Variants in STMND1 observed in about 807,000 individuals in gnomAD.
STMND1 encodes stathmin domain-containing protein 1.
Under a neutral mutation model 23.0 loss-of-function variants are expected in STMND1, and 17 were observed. The observed-to-expected ratio is 0.74, with a 90% CI of 0.51 to 1.11. The LOEUF (loss-of-function observed/expected upper bound fraction) is 1.11. Ranked by LOEUF, STMND1 falls within the 50% of genes least tolerant of loss-of-function variation. The pLI is 0.00. For synonymous variants in STMND1, 114 were observed against 119.9 expected, an observed-to-expected ratio of 0.95 and a Z score of 0.32; for missense variants, 305 against 329.1, an observed-to-expected ratio of 0.93 and a Z score of 0.57.
intron 3 of STMND1, among the ~76,000 whole-genome samples, chr6:17,123,684 G>C (rs1330586523): frequency 6.6e-6 from 1 of 152,174 alleles, no homozygotes; most frequent in Non-Finnish European, 1.5e-5. Context: ...ACCAAAGCTG[G>C]GAAGGGTTAA....
At chr6:17,116,849 AC>A in intron 2 of STMND1, among the ~76,000 whole-genome samples, 1 of 152,292 alleles carries the variant, frequency 6.6e-6, no homozygotes, top group Admixed American at 6.5e-5. Flanking sequence ...GGTGCAAAAA[AC>A]AAAGAACACC....
intron 3 of STMND1, chr6:17,128,040 G>T (rs1221119698): frequency 6.6e-6 from 1 of 152,116 alleles, no homozygotes; most frequent in African/African-American, 2.4e-5. Context: ...GACTGGGATT[G>T]GGGGCCATGT....
chr6:17,102,958 T>A (rs1760963895), intron 1 of STMND1, among the ~76,000 whole-genome samples: 1 of 152,182 alleles, frequency 6.6e-6, no homozygotes, highest in South Asian at 2.1e-4. Flanking sequence ...CTCTTTTCCC[T>A]AATTCCTCAA....
chr6:17,124,898 C>G (rs889003920), intron 3 of STMND1, among the ~76,000 whole-genome samples: 14 of 151,204 alleles, frequency 9.3e-5, no homozygotes, highest in African/African-American at 3.2e-4. Context: ...ACTTAGGAGG[C>G]TGAGGTTGGA....
chr6:17,110,174 C>T (rs150039532), intron 1 of STMND1, among the ~76,000 whole-genome samples: 106 of 152,308 alleles, frequency 7.0e-4, no homozygotes, highest in African/African-American at 2.5e-3. Context: ...ATACCTTTTG[C>T]TCCCTCCAAC....
chr6:17,102,208 C>T lies in STMND1; in HGVS notation c.-50C>T, dbSNP rs534486153. ...GCCGGAGCGCGGCAGGGAGCGCTCG[C>T]GGGGGCGCACAGCAGCCAAGCCCGC... On this transcript the variant is annotated 5_prime_UTR_variant, in exon 1 of 5. Transcript: ENST00000536551. 3.0e-5 allele frequency: 45 copies of T among 1,486,122 alleles called. No homozygotes were observed. In the South Asian group the frequency reaches 4.9e-4, roughly 16 times the overall value. 92.1% of individuals were successfully genotyped at this position (1,486,122 alleles called of 1,614,324 possible).
At chr6:17,128,905 G>T in intron 3 of STMND1, 1 of 413,632 alleles carries the variant, frequency 2.4e-6, no homozygotes, top group Non-Finnish European at 4.4e-6. Flanking sequence ...TAGAGACAAG[G>T]TTTCACTATG....
intron 1 of STMND1, among the ~76,000 whole-genome samples, chr6:17,102,689 C>G (rs756669250): frequency 9.9e-5 from 15 of 152,164 alleles, no homozygotes; most frequent in Non-Finnish European, 1.9e-4. Flanking sequence ...ATGTTCTGCA[C>G]AGAGCTAGTG....
intron 1 of STMND1, among the ~76,000 whole-genome samples, chr6:17,108,696 C>CTTTTTTTTTTTTTTT (rs10653504): frequency 7.2e-6 from 1 of 138,744 alleles, no homozygotes. Context: ...TTTTCTTTTT[C>CTTTTTTTTTTTTTTT]TTTTTTTTTT....
intron 1 of STMND1, among the ~76,000 whole-genome samples, chr6:17,106,141 G>A (rs933427984): frequency 4.0e-5 from 6 of 151,770 alleles, no homozygotes; most frequent in Non-Finnish European, 7.4e-5. Flanking sequence ...CTCCCTCTCC[G>A]GGGTCACATG....
In STMND1 at chr6:17,120,620, T is replaced by C; in HGVS notation, c.273T>C (p.Asn91=). 6.6e-7 allele frequency: 1 copy of C among 1,511,130 alleles called. No homozygotes were observed. The highest frequency in any genetic ancestry group is 8.8e-7 in the Non-Finnish European group (1 of 1,138,670). 93.6% of individuals were successfully genotyped at this position (1,511,130 alleles called of 1,614,324 possible). A position where few individuals can be genotyped will look rare whatever the true frequency, so the allele number is the denominator to read the frequency against. Residue 91 remains asparagine (N), a synonymous_variant, in exon 3 of 5, where the codon AAT becomes AAC. Coordinates refer to ENST00000536551, the MANE Select transcript of STMND1 (RefSeq NM_001190766.2). ...NRRVNSDLVT[N]GLINKPQSLE... is the part of the protein sequence containing the mutation. ...CTTTTTTGGAAGACCTAGTGACCAATGGATTAATCAATAAACCCCAATCCC... is the reference window on the plus strand; with the variant it reads ...CTTTTTTGGAAGACCTAGTGACCAACGGATTAATCAATAAACCCCAATCCC...
intron 3 of STMND1, among the ~76,000 whole-genome samples, chr6:17,123,849 C>A (rs553124798): frequency 1.1e-4 from 16 of 152,248 alleles, no homozygotes; most frequent in Admixed American, 5.9e-4. Context: ...GATAAAACTT[C>A]TTTCAATTCA....
At chr6:17,115,198 C>T (rs1279237278) in intron 2 of STMND1, 59 bp downstream of exon 2, 4 of 1,450,774 alleles carry the variant, frequency 2.8e-6, no homozygotes, top group Admixed American at 2.4e-5. Flanking sequence ...TCTCTAAATA[C>T]GTTTACAAGG....
chr6:17,122,092 A>G lies in STMND1; in HGVS notation c.411+1334A>G, dbSNP rs960557144. ...TGACCAGGATGGTGTTGAACTCCTG[A>G]CCTCGTAATCCACCTGCCTCAGCCT... On this transcript the variant is annotated intron_variant, in intron 3 of 4. Transcript: ENST00000536551. Among the ~76,000 whole-genome samples, 9 of 151,960 alleles carry G rather than the reference A, an allele frequency of 5.9e-5. No individual in the cohort carries two copies. The Middle Eastern group carries it at 0.014, about 230-fold the overall frequency.
chr6:17,106,016 GTC>G (rs1761019595), intron 1 of STMND1, among the ~76,000 whole-genome samples: 1 of 152,094 alleles, frequency 6.6e-6, no homozygotes, highest in African/African-American at 2.4e-5. Context: ...CTCCAGTCTT[GTC>G]TCTCCCCACA....
chr6:17,107,946 T>G (rs1761048575), intron 1 of STMND1, among the ~76,000 whole-genome samples: 1 of 152,228 alleles, frequency 6.6e-6, no homozygotes, highest in Non-Finnish European at 1.5e-5. Context: ...ATGTCTGTTC[T>G]CAAGTCTACA....
chr6:17,123,792 A>ACTC (rs1222544614), intron 3 of STMND1, among the ~76,000 whole-genome samples: 2 of 152,204 alleles, frequency 1.3e-5, no homozygotes, highest in Admixed American at 6.5e-5. Flanking sequence ...CTAAGATTAT[A>ACTC]CTCAGGAAGC....
chr6:17,102,896 T>A (rs1760962900), intron 1 of STMND1, among the ~76,000 whole-genome samples: 1 of 152,168 alleles, frequency 6.6e-6, no homozygotes, highest in Non-Finnish European at 1.5e-5. Flanking sequence ...GCACAGCTAA[T>A]TTGGGGGCAC....
chr6:17,112,776 CA>C (rs576140224), intron 1 of STMND1, among the ~76,000 whole-genome samples: 6 of 146,344 alleles, frequency 4.1e-5, no homozygotes, highest in Admixed American at 6.8e-5. Context: ...GACTCCGTCT[CA>C]AAAAAAAAAG....
Sources: allele counts gnomAD v4.1 joint callset (sites outside exome capture counted in the v4.1 genomes callset), GRCh38; gene constraint gnomAD v4.1.1; transcripts MANE v1.5; gene names NCBI Gene and HGNC (gene_info 2026-07-23, HGNC 2026-07-21).